The following PCDHGA2 variants were observed in gnomAD, a reference collection of about 807,000 sequenced individuals.
PCDHGA2 encodes protocadherin gamma-A2.
A neutral mutation model predicts 59.2 loss-of-function variants in PCDHGA2; 40 were observed. The observed-to-expected ratio is 0.68, with a 90% confidence interval of 0.52 to 0.88. PCDHGA2 has a LOEUF of 0.88. Ranked by LOEUF, PCDHGA2 falls within the 40% of genes least tolerant of loss-of-function variation. The probability of loss-of-function intolerance (pLI) is 0.00; values close to 1 mark genes in which losing one functional copy is unlikely to be tolerated. For missense variants in PCDHGA2, 1,226 were observed against 1,204.0 expected (o/e 1.02, Z -0.27); for synonymous variants, 560 against 526.0 (o/e 1.06, Z -0.89).
chr5:141,450,450 C>T (rs964666176), intron 1 of PCDHGA2, among the ~76,000 whole-genome samples: 5 of 151,996 alleles, frequency 3.3e-5, no homozygotes, highest in African/African-American at 9.7e-5. Context: ...TTTTATGTTT[C>T]CTCGTGATTT....
At chr5:141,504,429 G>T (rs947508365) in intron 2 of PCDHGA2, among the ~76,000 whole-genome samples, 1 of 152,124 alleles carries the variant, frequency 6.6e-6, no homozygotes, top group Non-Finnish European at 1.5e-5. Context: ...CACTACAACA[G>T]CTGCAGTGTG....
At chr5:141,455,244 T>A (rs977940552) in intron 1 of PCDHGA2, among the ~76,000 whole-genome samples, 4 of 152,142 alleles carry the variant, frequency 2.6e-5, no homozygotes, top group Non-Finnish European at 4.4e-5. Flanking sequence ...TTAAAGGTCA[T>A]AGTACAATCG....
At chr5:141,353,477 C>T (rs1759289576) in intron 1 of PCDHGA2, among the ~76,000 whole-genome samples, 1 of 152,138 alleles carries the variant, frequency 6.6e-6, no homozygotes, top group African/African-American at 2.4e-5. Context: ...ATTATTAAGA[C>T]TCTTAACACT....
intron 1 of PCDHGA2, chr5:141,365,365 C>A (rs761258930): frequency 6.2e-7 from 1 of 1,613,928 alleles, no homozygotes. Context: ...ACAATGCCCC[C>A]GAAGTGATCC....
chr5:141,384,238 G>C, intron 1 of PCDHGA2: 2 of 1,613,838 alleles, frequency 1.2e-6, no homozygotes, highest in Admixed American at 1.7e-5. Flanking sequence ...AGACACCAAC[G>C]ATAACCCACC....
chr5:141,436,298 T>C (rs1480546595), intron 1 of PCDHGA2, among the ~76,000 whole-genome samples: 3 of 152,186 alleles, frequency 2.0e-5, no homozygotes, highest in Non-Finnish European at 4.4e-5. Flanking sequence ...CATTGAGAGT[T>C]AGAGCATGAA....
intron 1 of PCDHGA2, chr5:141,389,725 TC>T (rs756659208): frequency 1.2e-6 from 2 of 1,612,726 alleles, no homozygotes; most frequent in East Asian, 4.5e-5. Flanking sequence ...GAGCCCGGGC[TC>T]TTCAGCCTGG....
chr5:141,390,436 C>A, intron 1 of PCDHGA2: 1 of 949,978 alleles, frequency 1.1e-6, no homozygotes, highest in Non-Finnish European at 1.5e-6. Flanking sequence ...TCATATCATT[C>A]TACAAAGGAG....
intron 1 of PCDHGA2, chr5:141,375,745 C>T (rs753247365): frequency 2.5e-6 from 4 of 1,614,238 alleles, no homozygotes; most frequent in Admixed American, 3.3e-5. Context: ...TTGTGCTGGA[C>T]CAGAATGACA....
intron 1 of PCDHGA2, chr5:141,345,196 G>A: frequency 6.2e-7 from 1 of 1,613,980 alleles, no homozygotes; most frequent in African/African-American, 1.3e-5. Context: ...TTTGTCCTGG[G>A]AAATCTGCCA....
In PCDHGA2 at chr5:141,490,951, T is replaced by C. The variant is rs778168052; in HGVS notation, c.2425-3856T>C. 20 of 1,613,640 alleles carry C rather than the reference T, an allele frequency of 1.2e-5. No homozygotes were observed. Among genetic ancestry groups the C allele is most frequent in the Middle Eastern group, 1.6e-4 (1 of 6,084 alleles). On this transcript the variant is annotated intron_variant, in intron 1 of 3. Coordinates refer to ENST00000394576, the MANE Select transcript of PCDHGA2 (RefSeq NM_018915.4). This position sits in a 1 kb window ranked among gnomAD's most constrained non-coding sequence, Gnocchi z 5.4. The stretch of plus-strand genomic sequence containing the variant: ...AGCTGTGCTGCACCCACGGCCAGAC[T>C]GGGAACACTCAGCCCCCCAGCGTCT...
At position 141,476,290 on chromosome 5, in the gene PCDHGA2, C is replaced by T. The variant is rs768208156; in HGVS notation, c.2425-18517C>T. ...TGGTCGCGAACCTTGGTTTGGATCT[C>T]GGTAGCCTCTCAGCCCGCAGGTTCC... On this transcript the variant is annotated intron_variant, in intron 1 of 3. Coordinates refer to ENST00000394576, the MANE Select transcript of PCDHGA2 (RefSeq NM_018915.4). The surrounding 1 kb of genome is among the most constrained non-coding windows in gnomAD (Gnocchi z 7.6). 1.7e-5 allele frequency: 27 copies of T among 1,613,932 alleles called. No individual in the cohort carries two copies. Among genetic ancestry groups the T allele is most frequent in the Non-Finnish European group, 2.3e-5 (27 of 1,180,018 alleles).
At chr5:141,433,694 G>T (rs539494151) in intron 1 of PCDHGA2, among the ~76,000 whole-genome samples, 1 of 152,126 alleles carries the variant, frequency 6.6e-6, no homozygotes, top group South Asian at 2.1e-4. Flanking sequence ...AAAATTAGCC[G>T]GGCGTGGTGG....
At chr5:141,361,471 A>C (rs748732304) in intron 1 of PCDHGA2, 2 of 1,613,988 alleles carry the variant, frequency 1.2e-6, no homozygotes, top group South Asian at 2.2e-5. Flanking sequence ...CTCCGACGTC[A>C]ACGATAATGC....
At chr5:141,408,978 C>A (rs1444971938) in intron 1 of PCDHGA2, 1 of 1,613,862 alleles carries the variant, frequency 6.2e-7, no homozygotes, top group African/African-American at 1.3e-5. Context: ...CCCCCTGGGT[C>A]CCCTGTGTTG....
intron 1 of PCDHGA2, chr5:141,362,170 C>T (rs1394296027): frequency 6.2e-7 from 1 of 1,614,036 alleles, no homozygotes; most frequent in East Asian, 2.2e-5. Flanking sequence ...CAGCGACCGC[C>T]GGGAGCCCTC....
intron 1 of PCDHGA2, chr5:141,361,483 C>T (rs1762043135): frequency 6.2e-7 from 1 of 1,614,026 alleles, no homozygotes; most frequent in Non-Finnish European, 8.5e-7. Context: ...CGATAATGCC[C>T]CAGTTTTCCA....
At position 141,491,832 on chromosome 5, in the gene PCDHGA2, C is replaced by T. The variant is rs755882255; in HGVS notation, c.2425-2975C>T. On this transcript the variant is annotated intron_variant, in intron 1 of 3. Coordinates refer to ENST00000394576, the MANE Select transcript of PCDHGA2 (RefSeq NM_018915.4). The surrounding 1 kb of genome is among the most constrained non-coding windows in gnomAD (Gnocchi z 6.9). ...GTCGCTGGCTGCGCTCCACCCGATT[C>T]TCGGGATCATTGGACCGTTTGCGCG... 1.6e-5 allele frequency: 24 copies of T among 1,474,306 alleles called. No individual in the cohort carries two copies. The highest frequency in any genetic ancestry group is 2.0e-5 in the Non-Finnish European group (22 of 1,112,688). 91.3% of individuals were successfully genotyped at this position (1,474,306 alleles called of 1,614,324 possible). A position where few individuals can be genotyped will look rare whatever the true frequency, so the allele number is the denominator to read the frequency against.
In PCDHGA2 at chr5:141,341,206, G is replaced by A. The variant is rs533250208; in HGVS notation, c.2235G>A (p.Gly745=). Reference sequence around the variant, plus strand: ...GCTCGCACTTTGTGGGCGTGGACGGGGTTCGGGCTTTCCTGCAGACCTATT... The same window carrying A: ...GCTCGCACTTTGTGGGCGTGGACGGAGTTCGGGCTTTCCTGCAGACCTATT... The part of the protein sequence containing the change: ...MQSSHFVGVD[G]VRAFLQTYSH... Residue 745 remains glycine, a synonymous_variant, in exon 1 of 4, where the codon GGG becomes GGA. Transcript: ENST00000394576. The A allele has an allele frequency of 6.2e-6, 10 of 1,614,216 alleles. No individual in the cohort carries two copies. The highest frequency in any genetic ancestry group is 8.5e-6 in the Non-Finnish European group (10 of 1,180,046).
Sources: allele counts gnomAD v4.1 joint callset (sites outside exome capture counted in the v4.1 genomes callset), GRCh38; gene constraint gnomAD v4.1.1; non-coding constraint Gnocchi (gnomAD v3.1); transcripts MANE v1.5; gene names NCBI Gene and HGNC (gene_info 2026-07-23, HGNC 2026-07-21).